CSMD1: variants seen among roughly 807,000 people sequenced by gnomAD.
CSMD1 encodes CUB and sushi domain-containing protein 1.
Under a neutral mutation model 417.5 loss-of-function variants are expected in CSMD1, and 213 were observed. The observed-to-expected ratio is 0.51, with a 90% CI of 0.46 to 0.57. The LOEUF (loss-of-function observed/expected upper bound fraction) is 0.57, where lower values mean the gene tolerates loss of function less well. Among genes scored for constraint, CSMD1 ranks in the 20% least tolerant of loss-of-function variants. The pLI, the probability that CSMD1 is intolerant of heterozygous loss-of-function variation, is 0.00. For synonymous variants in CSMD1, 2,862 were observed against 1,736.8 expected, an observed-to-expected ratio of 1.65 and a Z score of -16.11; for missense variants, 6,923 against 4,529.7, an observed-to-expected ratio of 1.53 and a Z score of -15.17.
intron 26 of CSMD1, among the ~76,000 whole-genome samples, chr8:3,259,899 A>C (rs897237213): frequency 6.6e-6 from 1 of 152,162 alleles, no homozygotes; most frequent in Admixed American, 6.5e-5. Context: ...AAATTCAAAC[A>C]CATCTCTGAC....
intron 1 of CSMD1, among the ~76,000 whole-genome samples, chr8:4,764,777 G>A (rs1057373696): frequency 3.3e-5 from 5 of 149,634 alleles, no homozygotes; most frequent in African/African-American, 1.2e-4. Flanking sequence ...GGAGGCTGCG[G>A]CAGGAGAATG....
At chr8:4,428,881 A>AT (rs1797712084) in intron 2 of CSMD1, among the ~76,000 whole-genome samples, 1 of 151,758 alleles carries the variant, frequency 6.6e-6, no homozygotes, top group Non-Finnish European at 1.5e-5. Context: ...CGTCCAGCTA[A>AT]TTTTTGCATT....
intron 1 of CSMD1, among the ~76,000 whole-genome samples, chr8:4,877,928 A>G (rs1803150430): frequency 6.6e-6 from 1 of 152,098 alleles, no homozygotes; most frequent in African/African-American, 2.4e-5. Context: ...TACAATGGGA[A>G]AGGGACCTAC....
chr8:4,122,991 G>A (rs546803597), intron 3 of CSMD1, among the ~76,000 whole-genome samples: 82 of 152,312 alleles, frequency 5.4e-4, no homozygotes, highest in African/African-American at 1.6e-3. Context: ...TGGCAAAGAC[G>A]TGCCACTGAG....
chr8:4,797,883 T>C (rs1047981523), intron 1 of CSMD1, among the ~76,000 whole-genome samples: 3 of 152,204 alleles, frequency 2.0e-5, no homozygotes, highest in Non-Finnish European at 2.9e-5. Context: ...ACGAAAATCA[T>C]CTTAAATACT....
At chr8:4,645,432 G>A (rs1803456901) in intron 1 of CSMD1, among the ~76,000 whole-genome samples, 1 of 118,038 alleles carries the variant, frequency 8.5e-6, no homozygotes. Flanking sequence ...GACAGCAGGT[G>A]TAGTGCAGGG....
chr8:4,564,563 T>C (rs1246670466), intron 2 of CSMD1, among the ~76,000 whole-genome samples: 1 of 152,176 alleles, frequency 6.6e-6, no homozygotes, highest in East Asian at 1.9e-4. Flanking sequence ...TTTATAAGCA[T>C]AAATACTGAT....
At chr8:4,297,547 A>G (rs1262875331) in intron 3 of CSMD1, among the ~76,000 whole-genome samples, 1 of 152,182 alleles carries the variant, frequency 6.6e-6, no homozygotes, top group Non-Finnish European at 1.5e-5. Flanking sequence ...CATATGATCA[A>G]TTTATAATGC....
chr8:3,033,421 G>A (rs979014773), intron 50 of CSMD1, among the ~76,000 whole-genome samples: 2 of 152,062 alleles, frequency 1.3e-5, no homozygotes, highest in Admixed American at 6.6e-5. Flanking sequence ...CAATTGTATT[G>A]CTATTGTGGA....
intron 4 of CSMD1, among the ~76,000 whole-genome samples, chr8:4,004,561 G>A (rs56827478): frequency 4.6e-5 from 7 of 151,440 alleles, no homozygotes; most frequent in African/African-American, 1.7e-4. Flanking sequence ...AACCTAATTT[G>A]GTATTATAAA....
chr8:4,943,277 C>G (rs917198287), intron 1 of CSMD1, among the ~76,000 whole-genome samples: 5 of 152,018 alleles, frequency 3.3e-5, no homozygotes, highest in African/African-American at 7.3e-5. Flanking sequence ...GGGCAGATCA[C>G]GAGGTCAGGA....
chr8:4,677,042 T>TTA (rs1257537683), intron 1 of CSMD1, among the ~76,000 whole-genome samples: 4 of 146,638 alleles, frequency 2.7e-5, no homozygotes, highest in Non-Finnish European at 6.0e-5. Flanking sequence ...ATAGAGAGAA[T>TTA]TATATATATA....
rs185368874 is a variant in CSMD1, at chr8:3,362,819, G to C, written c.3116-3479C>G. Among the ~76,000 whole-genome samples, 41 of 152,226 alleles carry C rather than the reference G, an allele frequency of 2.7e-4. No homozygotes were observed. In the South Asian group the frequency reaches 4.8e-3, roughly 18 times the overall value. On this transcript the variant is annotated intron_variant, in intron 20 of 69. Coordinates refer to ENST00000635120, the MANE Select transcript of CSMD1 (RefSeq NM_033225.6). ...CCTTCACTTCCTGCCAATCAAGTCAGCTCTAACCTTGCATCCTTCCTGTAG... is the reference window on the plus strand; with the variant it reads ...CCTTCACTTCCTGCCAATCAAGTCACCTCTAACCTTGCATCCTTCCTGTAG...
At chr8:4,906,655 C>G (rs1185399892) in intron 1 of CSMD1, among the ~76,000 whole-genome samples, 1 of 152,036 alleles carries the variant, frequency 6.6e-6, no homozygotes, top group African/African-American at 2.4e-5. Context: ...CTCCGGGGTT[C>G]AAGCAATTCT....
intron 12 of CSMD1, among the ~76,000 whole-genome samples, chr8:3,436,603 T>A (rs1410318067): frequency 6.6e-6 from 1 of 152,200 alleles, no homozygotes; most frequent in Non-Finnish European, 1.5e-5. Flanking sequence ...GTTTTATTAT[T>A]GATCATAATA....
chr8:3,334,264 G>T (rs137908670), intron 23 of CSMD1, among the ~76,000 whole-genome samples: 6 of 152,250 alleles, frequency 3.9e-5, no homozygotes, highest in African/African-American at 1.4e-4. Flanking sequence ...GACATACCCT[G>T]CTCTTCACCT....
In CSMD1 at chr8:3,493,703, C is replaced by A; in HGVS notation, c.1368G>T (p.Glu456Asp). 1 of 1,611,526 alleles carries A rather than the reference C, an allele frequency of 6.2e-7. No homozygotes were observed. The highest frequency in any genetic ancestry group is 8.5e-7 in the Non-Finnish European group (1 of 1,178,924). The part of the protein sequence containing the change: ...PDKVIKLAFE[E>D]FELERGYDTL... Reference sequence around the variant, plus strand: ...TGTCATAGCCTCGCTCCAGCTCAAACTCTTCAAAGGCAAGCTTGATGACCT... The same window carrying A: ...TGTCATAGCCTCGCTCCAGCTCAAAATCTTCAAAGGCAAGCTTGATGACCT... Residue 456 changes from glutamate to aspartate, a missense_variant, in exon 11 of 70, where the codon GAG becomes GAT. By Grantham distance (45) the Glu-to-Asp change is conservative. Coordinates refer to ENST00000635120, the MANE Select transcript of CSMD1 (RefSeq NM_033225.6).
chr8:4,515,669 G>T (rs575692720), intron 2 of CSMD1, among the ~76,000 whole-genome samples: 1 of 152,250 alleles, frequency 6.6e-6, no homozygotes, highest in Non-Finnish European at 1.5e-5. Flanking sequence ...TAGGGTGTTT[G>T]CCTGTGGTAA....
At chr8:4,481,041 A>C (rs1180713683) in intron 2 of CSMD1, among the ~76,000 whole-genome samples, 1 of 152,192 alleles carries the variant, frequency 6.6e-6, no homozygotes, top group Admixed American at 6.5e-5. Context: ...CTCCCAACCC[A>C]AGTAGTGACA....
Sources: gnomAD v4.1 joint callset for allele counts (sites outside exome capture counted in the v4.1 genomes callset) on GRCh38, gnomAD v4.1.1 for gene constraint, MANE v1.5 for transcripts, NCBI Gene and HGNC (gene_info 2026-07-23, HGNC 2026-07-21) for gene names.